APCDD1: variants seen among roughly 807,000 people sequenced by gnomAD.
APCDD1 encodes the protein protein APCDD1.
A neutral mutation model predicts 38.1 loss-of-function variants in APCDD1; 15 were observed. The observed-to-expected ratio is 0.39, with a 90% CI of 0.26 to 0.61. The LOEUF (loss-of-function observed/expected upper bound fraction) is 0.61, where lower values mean the gene tolerates loss of function less well. Among genes scored for constraint, APCDD1 ranks in the 20% least tolerant of loss-of-function variants. APCDD1 has a pLI of 0.49. For missense variants in APCDD1, 647 were observed against 696.2 expected (o/e 0.93, Z 0.79); for synonymous variants, 261 against 279.7 (o/e 0.93, Z 0.67).
chr18:10,482,793 T>A (rs500368), intron 3 of APCDD1, among the ~76,000 whole-genome samples: 1 of 151,980 alleles, frequency 6.6e-6, no homozygotes, highest in Admixed American at 6.5e-5. Context: ...TAACTTTCCA[T>A]CCTGTGTTTT....
In APCDD1 at chr18:10,468,660, G is replaced by A. The variant is rs200114605; in HGVS notation, c.242+8G>A. The A allele has an allele frequency of 6.2e-7, 1 of 1,613,066 alleles. No homozygotes were observed. The highest frequency in any genetic ancestry group is 1.3e-5 in the African/African-American group (1 of 74,906). ...CCACTGGGTCTCCACAGGGTAAGAG[G>A]ACAGGTGGGGTCTGGGAGAGGCCAG... On this transcript the variant is annotated splice_region_variant and intron_variant, in intron 2 of 4. Coordinates refer to ENST00000355285, the MANE Select transcript of APCDD1 (RefSeq NM_153000.5).
intron 3 of APCDD1, among the ~76,000 whole-genome samples, chr18:10,478,720 C>A (rs1489180833): frequency 6.6e-5 from 10 of 152,162 alleles, no homozygotes; most frequent in African/African-American, 2.4e-4. Context: ...GATTTTGAGG[C>A]GACACAAACA....
Position 10,488,173 on chromosome 18 carries a change from C to G in APCDD1, c.*135C>G. Reference sequence around the variant, plus strand: ...CTGTCCTTCTTTTTCTCCTCTCCCTCCCTCCCAGCCCCTGAGTCATGAACA... The same window carrying G: ...CTGTCCTTCTTTTTCTCCTCTCCCTGCCTCCCAGCCCCTGAGTCATGAACA... On this transcript the variant is annotated 3_prime_UTR_variant, in exon 5 of 5. Transcript: ENST00000355285. 1 of 1,075,780 alleles carries G rather than the reference C, an allele frequency of 9.3e-7. No homozygotes were observed. Among genetic ancestry groups the G allele is most frequent in the Non-Finnish European group, 1.3e-6 (1 of 742,410 alleles). 66.6% of individuals were successfully genotyped at this position (1,075,780 alleles called of 1,614,324 possible). A position where few individuals can be genotyped will look rare whatever the true frequency, so the allele number is the denominator to read the frequency against.
In APCDD1 at chr18:10,485,399, C is replaced by T; in HGVS notation, c.775-63C>T. Reference sequence around the variant, plus strand: ...CTGGTGAGACCCCATTTGCCGGAAGCATGTGTGCACTGCTCCCTTGGGAAG... The same window carrying T: ...CTGGTGAGACCCCATTTGCCGGAAGTATGTGTGCACTGCTCCCTTGGGAAG... On this transcript the variant is annotated intron_variant, in intron 3 of 4. Coordinates refer to ENST00000355285, the MANE Select transcript of APCDD1 (RefSeq NM_153000.5). This position sits in a 1 kb window ranked among gnomAD's most constrained non-coding sequence, Gnocchi z 5.8. 1 of 1,582,454 alleles carries T rather than the reference C, an allele frequency of 6.3e-7. No homozygotes were observed. The highest frequency in any genetic ancestry group is 8.6e-7 in the Non-Finnish European group (1 of 1,157,938).
In APCDD1 at chr18:10,488,076, C is replaced by T; in HGVS notation, c.*38C>T. On this transcript the variant is annotated 3_prime_UTR_variant, in exon 5 of 5. Transcript: ENST00000355285. ...GTTCTATTTTTCCAAACCAGGATTC[C>T]TTACTATTGACAGATTTGCTTTACC... 1 of 1,608,588 alleles carries T rather than the reference C, an allele frequency of 6.2e-7. No homozygotes were observed. Among genetic ancestry groups the T allele is most frequent in the Non-Finnish European group, 8.5e-7 (1 of 1,178,602 alleles).
chr18:10,482,587 A>G (rs2031166062), intron 3 of APCDD1, among the ~76,000 whole-genome samples: 1 of 152,200 alleles, frequency 6.6e-6, no homozygotes, highest in Admixed American at 6.5e-5. Context: ...GCTCCTGCAC[A>G]GCTTGTGTCT....
In APCDD1 at chr18:10,460,849, A is replaced by G. The variant is rs2030523082; in HGVS notation, c.58+5810A>G. 2.0e-5 allele frequency among the ~76,000 whole-genome samples: 3 copies of G among 152,190 alleles called. No homozygotes were observed. In the South Asian group the frequency reaches 6.2e-4, roughly 31 times the overall value. ...AATGAGATCTGCTGTGGATGGCTCTAGCAGAAGTACTGTGTGTGTTCCCTT... is the reference window on the plus strand; with the variant it reads ...AATGAGATCTGCTGTGGATGGCTCTGGCAGAAGTACTGTGTGTGTTCCCTT... On this transcript the variant is annotated intron_variant, in intron 1 of 4. Transcript: ENST00000355285.
At chr18:10,486,225 G>A (rs1339654951) in intron 4 of APCDD1, among the ~76,000 whole-genome samples, 1 of 152,180 alleles carries the variant, frequency 6.6e-6, no homozygotes, top group Non-Finnish European at 1.5e-5. Context: ...GTGGTGGCAT[G>A]TGCCTGTAGT....
At chr18:10,473,203 C>CT (rs1413868073) in intron 3 of APCDD1, among the ~76,000 whole-genome samples, 1 of 152,158 alleles carries the variant, frequency 6.6e-6, no homozygotes, top group Non-Finnish European at 1.5e-5. Context: ...TCCGTGTTAT[C>CT]TTTTTTTAAT....
intron 1 of APCDD1, among the ~76,000 whole-genome samples, chr18:10,462,941 T>C (rs185636650): frequency 6.6e-6 from 1 of 152,164 alleles, no homozygotes; most frequent in East Asian, 1.9e-4. Context: ...AAGTGATTTT[T>C]CCAAAATAAA....
intron 1 of APCDD1, among the ~76,000 whole-genome samples, chr18:10,456,021 G>T (rs1370963689): frequency 6.6e-6 from 1 of 152,192 alleles, no homozygotes; most frequent in Admixed American, 6.5e-5. Flanking sequence ...AGCGGGCTCC[G>T]GCTTCAGAAT....
intron 4 of APCDD1, among the ~76,000 whole-genome samples, chr18:10,486,044 A>C (rs2031244242): frequency 1.3e-5 from 2 of 152,212 alleles, no homozygotes; most frequent in South Asian, 4.1e-4. Context: ...CCAGCCAGGG[A>C]GGATGTTACT....
In APCDD1 at chr18:10,454,638, G is replaced by GAGACGCTGCAGCTGCGGTGGCGGTGGC; in HGVS notation, c.-343_-317dup. ...GCCGGCGGCGCGCTGGAAATATGAA[G>GAGACGCTGCAGCTGCGGTGGCGGTGGC]AGACGCTGCAGCTGCGGTGGCGGTG... On this transcript the variant is annotated 5_prime_UTR_variant, in exon 1 of 5. Coordinates refer to ENST00000355285, the MANE Select transcript of APCDD1 (RefSeq NM_153000.5). 10 of 1,068,360 alleles carry GAGACGCTGCAGCTGCGGTGGCGGTGGC rather than the reference G, an allele frequency of 9.4e-6. No individual in the cohort carries two copies. The highest frequency in any genetic ancestry group is 1.0e-5 in the Non-Finnish European group (9 of 877,316). The allele number at this position is 1,068,360 out of a possible 1,614,324, so 66.2% of individuals were successfully genotyped here. A position where few individuals can be genotyped will look rare whatever the true frequency, so the allele number is the denominator to read the frequency against.
intron 1 of APCDD1, among the ~76,000 whole-genome samples, chr18:10,461,065 G>T (rs973712085): frequency 6.7e-6 from 1 of 149,948 alleles, no homozygotes; most frequent in African/African-American, 2.5e-5. Context: ...TCACTCTCTG[G>T]TAGCCTATGG....
Position 10,467,361 on chromosome 18 carries a change from TA to T in APCDD1, c.59-1101del, listed in dbSNP as rs1162009993. On this transcript the variant is annotated intron_variant, in intron 1 of 4. Coordinates refer to ENST00000355285, the MANE Select transcript of APCDD1 (RefSeq NM_153000.5). This position sits in a 1 kb window ranked among gnomAD's most constrained non-coding sequence, Gnocchi z 4.8. ...GTACATTTTATTTATTTTGTATATTTAAAAAAAGTTTGTACAGTTGTCTAAC... is the reference window on the plus strand; with the variant it reads ...GTACATTTTATTTATTTTGTATATTTAAAAAAGTTTGTACAGTTGTCTAAC... Among the ~76,000 whole-genome samples, 1 of 152,212 alleles carries T rather than the reference TA, an allele frequency of 6.6e-6. No homozygotes were observed. The highest frequency in any genetic ancestry group is 1.5e-5 in the Non-Finnish European group (1 of 68,036).
chr18:10,461,897 G>A (rs896751340), intron 1 of APCDD1, among the ~76,000 whole-genome samples: 4 of 152,028 alleles, frequency 2.6e-5, no homozygotes, highest in African/African-American at 4.8e-5. Flanking sequence ...TATAGTATAT[G>A]GTTTCTAACT....
chr18:10,468,666 T>G lies in APCDD1; in HGVS notation c.242+14T>G. On this transcript the variant is annotated intron_variant, in intron 2 of 4. Coordinates refer to ENST00000355285, the MANE Select transcript of APCDD1 (RefSeq NM_153000.5). ...GGTCTCCACAGGGTAAGAGGACAGG[T>G]GGGGTCTGGGAGAGGCCAGAGAGCA... The G allele has an allele frequency of 1.9e-6, 3 of 1,612,924 alleles. No homozygotes were observed. Among genetic ancestry groups the G allele is most frequent in the Non-Finnish European group, 2.5e-6 (3 of 1,179,954 alleles).
In APCDD1 at chr18:10,485,599, C is replaced by T. The variant is rs369440825; in HGVS notation, c.912C>T (p.Pro304=). 21 of 1,614,008 alleles carry T rather than the reference C, an allele frequency of 1.3e-5. 1 individual carries two copies. In the African/African-American group the frequency reaches 2.0e-4, roughly 15 times the overall value. Residue 304 remains proline, a synonymous_variant, in exon 4 of 5, where the codon CCC becomes CCT. Coordinates refer to ENST00000355285, the MANE Select transcript of APCDD1 (RefSeq NM_153000.5). This position sits in a 1 kb window ranked among gnomAD's most constrained non-coding sequence, Gnocchi z 5.8. ...TGAGCCAGCGCTGTGAGGTGCGCCC[C>T]GAAGTCCTCTTCCTCACCCGCCACT... ...EWVSQRCEVR[P]EVLFLTRHFI... is the part of the protein sequence containing the mutation.
intron 3 of APCDD1, among the ~76,000 whole-genome samples, chr18:10,480,991 C>T (rs2031123826): frequency 6.6e-6 from 1 of 152,044 alleles, no homozygotes; most frequent in South Asian, 2.1e-4. Context: ...CCACAATGAG[C>T]TATCAGTTTA....
Sources: gnomAD v4.1 joint callset for allele counts (sites outside exome capture counted in the v4.1 genomes callset) on GRCh38, gnomAD v4.1.1 for gene constraint, Gnocchi (gnomAD v3.1) non-coding constraint, MANE v1.5 for transcripts, NCBI Gene and HGNC (gene_info 2026-07-23, HGNC 2026-07-21) for gene names.